The following KARS1 variants were observed in gnomAD, a reference collection of about 807,000 sequenced individuals.
KARS1 encodes the protein lysine--tRNA ligase.
A neutral mutation model predicts 63.9 loss-of-function variants in KARS1; 50 were observed. That is an observed-to-expected ratio of 0.78 (90% CI 0.62 to 0.99). The LOEUF (loss-of-function observed/expected upper bound fraction) is 0.99. KARS1 is among the 50% of genes least tolerant of loss of function. The pLI is 0.00. For missense variants in KARS1, 816 were observed against 754.5 expected (o/e 1.08, Z -0.95); for synonymous variants, 320 against 264.6 (o/e 1.21, Z -2.03).
intron 1 of KARS1, among the ~76,000 whole-genome samples, chr16:75,646,767 C>T (rs1354741044): frequency 6.6e-6 from 1 of 151,756 alleles, no homozygotes; most frequent in Admixed American, 6.6e-5. Context: ...CTGCCTCAGT[C>T]TCCCGAGTAG....
rs184217626 is a variant in KARS1 at position 75,642,961 on chromosome 16, T to G, written c.63-1238A>C. 2.0e-4 allele frequency: 30 copies of G among 152,332 alleles called. No individual in the cohort carries two copies. The East Asian group carries it at 5.6e-3, about 28-fold the overall frequency. The allele number at this position is 152,332 out of a possible 1,614,324, so 9.4% of individuals were successfully genotyped here. A position where few individuals can be genotyped will look rare whatever the true frequency, so the allele number is the denominator to read the frequency against. The stretch of plus-strand genomic sequence containing the variant: ...TAACCAAATGTGAGCTTTCTAGGTA[T>G]CTTTTAGTATCTTAACCCTTTACTC... On this transcript the variant is annotated intron_variant, in intron 1 of 13. Transcript: ENST00000302445.
chr16:75,637,313 C>T (rs1184947422), intron 3 of KARS1, among the ~76,000 whole-genome samples: 19 of 151,650 alleles, frequency 1.3e-4, no homozygotes, highest in Admixed American at 1.2e-3. Flanking sequence ...GGGGAAAAAG[C>T]AGTGGGGAGA....
At position 75,647,615 on chromosome 16, in the gene KARS1, C is replaced by T. The variant is rs751692377; in HGVS notation, c.25G>A (p.Val9Met). 6.2e-7 allele frequency: 1 copy of T among 1,613,470 alleles called. No homozygotes were observed. The change falls in exon 1 of 14, where the codon GTG (valine) becomes ATG (methionine). Residue 9 changes from valine (V) to methionine (M), a missense_variant. Transcript: ENST00000302445. Reference protein sequence around the residue: MAAVQAAEVKVDGSEPKLS... With the variant: MAAVQAAEMKVDGSEPKLS... ...TTCGGCTCGCTGCCATCCACTTTCA[C>T]CTCGGCCGCCTGCACGGCCGCCATC...
At chr16:75,636,207 A>G in intron 4 of KARS1, 109 bp from the exon 5 acceptor site, 1 of 767,366 alleles carries the variant, frequency 1.3e-6, no homozygotes. Flanking sequence ...ATGTGAGCCC[A>G]AGAAGGACGT....
At chr16:75,632,176 C>T (rs1005106966) in intron 7 of KARS1, among the ~76,000 whole-genome samples, 1 of 152,284 alleles carries the variant, frequency 6.6e-6, no homozygotes, top group African/African-American at 2.4e-5. Flanking sequence ...AGGCATGAGC[C>T]ACCGCGCCCG....
At chr16:75,642,398 C>T (rs140582337) in intron 1 of KARS1, among the ~76,000 whole-genome samples, 1,791 of 151,892 alleles carry the variant, frequency 0.012, 16 homozygotes, top group Non-Finnish European at 0.018. Context: ...GACGAGGTTT[C>T]ACCACGTTGG....
At chr16:75,631,324 T>A in intron 9 of KARS1, 71 bp from the exon 10 acceptor site, 1 of 1,570,102 alleles carries the variant, frequency 6.4e-7, no homozygotes, top group Non-Finnish European at 8.7e-7. Context: ...ATAAAGAGAA[T>A]AGTGTGGGAA....
intron 11 of KARS1, among the ~76,000 whole-genome samples, 180 bp downstream of exon 11, chr16:75,630,243 C>T (rs530704230): frequency 3.9e-5 from 6 of 152,180 alleles, no homozygotes; most frequent in Admixed American, 6.5e-5. Context: ...GGAGTGACCA[C>T]GTGGAGGAGA....
At chr16:75,640,023 T>C in intron 3 of KARS1, 161 bp downstream of exon 3, 1 of 668,200 alleles carries the variant, frequency 1.5e-6, no homozygotes, top group Non-Finnish European at 2.7e-6. Flanking sequence ...TCAGGGCTGC[T>C]CTGCTTCTTT....
intron 12 of KARS1, 49 bp downstream of exon 12, chr16:75,629,366 T>C (rs1235584793): frequency 1.9e-6 from 3 of 1,611,624 alleles, no homozygotes; most frequent in Non-Finnish European, 2.5e-6. Flanking sequence ...TTAAGGCTGG[T>C]ATTTCCTGGT....
intron 6 of KARS1, among the ~76,000 whole-genome samples, chr16:75,634,528 A>T (rs563450588): frequency 6.6e-6 from 1 of 152,358 alleles, no homozygotes; most frequent in East Asian, 1.9e-4. Context: ...CACAAGCTGT[A>T]AATTAGAATC....
chr16:75,640,437 C>G, intron 2 of KARS1, 88 bp from the exon 3 acceptor site: 2 of 1,180,042 alleles, frequency 1.7e-6, no homozygotes, highest in Admixed American at 3.5e-5. Context: ...GTATTCTGCC[C>G]CCGAGTGACC....
intron 3 of KARS1, among the ~76,000 whole-genome samples, chr16:75,638,216 C>T (rs1282817511): frequency 7.4e-6 from 1 of 134,914 alleles, no homozygotes; most frequent in Non-Finnish European, 1.6e-5. Context: ...ACAAAAAGTT[C>T]CTTTTTTTTT....
At chr16:75,641,257 C>T (rs1003702468) in intron 2 of KARS1, among the ~76,000 whole-genome samples, 3 of 152,056 alleles carry the variant, frequency 2.0e-5, no homozygotes, top group Non-Finnish European at 4.4e-5. Flanking sequence ...GTTGGCCAGC[C>T]CCTGGTCTAA....
chr16:75,647,315 C>T (rs1160896887), intron 1 of KARS1: 1 of 594,140 alleles, frequency 1.7e-6, no homozygotes, highest in African/African-American at 1.9e-5. Flanking sequence ...AGTTCTCGTC[C>T]TAGTTCCTCC....
rs761228666 is a variant in KARS1 at position 75,636,049 on chromosome 16, G to A, written c.532C>T (p.Arg178Trp). The A allele has an allele frequency of 3.1e-6, 5 of 1,607,058 alleles. No homozygotes were observed. Among genetic ancestry groups the A allele is most frequent in the South Asian group, 1.1e-5 (1 of 90,916 alleles). ...CCCTGAACTCCAATTATGTCTCCCCGACGCAGTTTGTTATTAATATGAATA... is the reference window on the plus strand; with the variant it reads ...CCCTGAACTCCAATTATGTCTCCCCAACGCAGTTTGTTATTAATATGAATA... ...EFIHINNKLR[R>W]GDIIGVQGNP... Residue 178 changes from arginine to tryptophan, a missense_variant, in exon 5 of 14, where the codon CGG (arginine) becomes TGG (tryptophan). Transcript: ENST00000302445.
chr16:75,633,229 C>G (rs1367485947), intron 7 of KARS1, among the ~76,000 whole-genome samples: 2 of 152,216 alleles, frequency 1.3e-5, no homozygotes, highest in African/African-American at 4.8e-5. Flanking sequence ...ATACACCTCT[C>G]TTGGTGTGCA....
chr16:75,628,952 C>T, intron 12 of KARS1: 2 of 557,910 alleles, frequency 3.6e-6, no homozygotes, highest in Admixed American at 3.0e-5. Flanking sequence ...TGAAAGAAAA[C>T]CCTTCTGCTG....
rs1319457051 is a variant in KARS1 at position 75,631,396 on chromosome 16, A to G, written c.1252+20T>C. The stretch of plus-strand genomic sequence containing the variant: ...AGGAAGGAGGGCCTTACAACGGAGG[A>G]GTGAGTGTTGTCACTTTACCTTCAG... On this transcript the variant is annotated intron_variant, in intron 9 of 13. Transcript: ENST00000302445. 6.2e-7 allele frequency: 1 copy of G among 1,613,228 alleles called. No individual in the cohort carries two copies.
Sources: allele counts gnomAD v4.1 joint callset (sites outside exome capture counted in the v4.1 genomes callset), GRCh38; gene constraint gnomAD v4.1.1; transcripts MANE v1.5; gene names NCBI Gene and HGNC (gene_info 2026-07-23, HGNC 2026-07-21).